Variants in TRANK1 observed in about 807,000 individuals in gnomAD.
TRANK1 encodes the protein tetratricopeptide repeat and ankyrin repeat containing 1.
TRANK1 carries 198 observed loss-of-function variants against 266.0 expected under a neutral mutation model. That is an observed-to-expected ratio of 0.74 (90% CI 0.66 to 0.84). The LOEUF is 0.84. Ranked by LOEUF, TRANK1 falls within the 40% of genes least tolerant of loss-of-function variation. The pLI, the probability that TRANK1 is intolerant of heterozygous loss-of-function variation, is 0.00. For missense variants in TRANK1, 3,326 were observed against 3,634.6 expected, an observed-to-expected ratio of 0.92 and a Z score of 2.18; for synonymous variants, 1,396 against 1,384.1, an observed-to-expected ratio of 1.01 and a Z score of -0.19.
chr3:36,944,328 G>T (rs1333490310), intron 1 of TRANK1, among the ~76,000 whole-genome samples: 1 of 152,134 alleles, frequency 6.6e-6, no homozygotes, highest in Admixed American at 6.5e-5. Context: ...CAAGTTCCCC[G>T]CAAATTCCGC....
Position 36,874,122 on chromosome 3 carries a change from G to A in TRANK1, c.1078+4C>T. On this transcript the variant is annotated splice_donor_region_variant and intron_variant, in intron 9 of 23. Transcript: ENST00000645898. The stretch of plus-strand genomic sequence containing the variant: ...CCCAAAAGTTAATACACTGGAAGCT[G>A]TACCTGATAGGTCCTTAGAACACGT... 3.3e-6 allele frequency: 5 copies of A among 1,535,798 alleles called. No individual in the cohort carries two copies. In the South Asian group the frequency reaches 6.0e-5, roughly 18 times the overall value.
chr3:36,900,609 C>T (rs1341593847), intron 3 of TRANK1, among the ~76,000 whole-genome samples: 1 of 151,934 alleles, frequency 6.6e-6, no homozygotes, highest in South Asian at 2.1e-4. Context: ...GGTGTAGTGA[C>T]TCTAGCCTGT....
At chr3:36,881,836 G>A (rs1046504010) in intron 8 of TRANK1, among the ~76,000 whole-genome samples, 10 of 152,044 alleles carry the variant, frequency 6.6e-5, no homozygotes, top group Non-Finnish European at 1.3e-4. Flanking sequence ...TCATATCAAC[G>A]GAATCACACA....
chr3:36,868,732 A>T (rs1409637185), intron 9 of TRANK1, among the ~76,000 whole-genome samples: 1 of 152,258 alleles, frequency 6.6e-6, no homozygotes, highest in Non-Finnish European at 1.5e-5. Flanking sequence ...TTCTAAGTAT[A>T]TAAAAAGATT....
At chr3:36,927,636 G>A (rs2080306074) in intron 1 of TRANK1, among the ~76,000 whole-genome samples, 1 of 152,176 alleles carries the variant, frequency 6.6e-6, no homozygotes. Context: ...CAACTGTCTT[G>A]GGAAATTCTT....
chr3:36,877,817 T>C (rs868300632), intron 8 of TRANK1, among the ~76,000 whole-genome samples: 2 of 152,218 alleles, frequency 1.3e-5, no homozygotes, highest in South Asian at 4.1e-4. Context: ...GTGTCTGAAT[T>C]TTTTAAAGGA....
chr3:36,831,581 C>T lies in TRANK1; in HGVS notation c.8002G>A (p.Val2668Ile), dbSNP rs1290183229. Reference protein sequence around the residue: ...SIVRGLYYEEVRLNRLLCLDP... With the variant: ...SIVRGLYYEEIRLNRLLCLDP... ...AAACAGAGCAGGCGGTTTAGTCTGA[C>T]CTCCTCATAATAGAGGCCACGGACT... is the stretch of plus-strand genomic sequence containing the variant. The change falls in exon 22 of 24, where the codon GTC (valine) becomes ATC (isoleucine). Residue 2668 changes from valine to isoleucine, a missense_variant. Coordinates refer to ENST00000645898, the MANE Select transcript of TRANK1 (RefSeq NM_001329998.2). The surrounding 1 kb of genome is among the most constrained non-coding windows in gnomAD (Gnocchi z 5.0). 6.2e-6 allele frequency: 10 copies of T among 1,613,688 alleles called. No individual in the cohort carries two copies. The highest frequency in any genetic ancestry group is 8.5e-6 in the Non-Finnish European group (10 of 1,179,736).
chr3:36,875,008 CAAAAA>C (rs112705869), intron 8 of TRANK1, among the ~76,000 whole-genome samples: 4 of 129,514 alleles, frequency 3.1e-5, no homozygotes, highest in African/African-American at 1.1e-4. Context: ...CCCACTTTAC[CAAAAA>C]AAAAAAAAAA....
chr3:36,881,427 T>A (rs372834695), intron 8 of TRANK1, among the ~76,000 whole-genome samples: 1 of 148,788 alleles, frequency 6.7e-6, no homozygotes, highest in East Asian at 2.0e-4. Flanking sequence ...CCAGCCTGGG[T>A]GACAGAGCAA....
intron 18 of TRANK1, among the ~76,000 whole-genome samples, chr3:36,841,535 AC>A (rs2078844519): frequency 6.6e-6 from 1 of 152,158 alleles, no homozygotes; most frequent in Admixed American, 6.5e-5. Context: ...GGCAGAACTT[AC>A]CACCCACAAA....
chr3:36,828,795 CTTCCCTTTGAAATACACATCACAAAA>C (rs2078659681), intron 23 of TRANK1, among the ~76,000 whole-genome samples: 2 of 152,170 alleles, frequency 1.3e-5, no homozygotes, highest in African/African-American at 4.8e-5. Flanking sequence ...TACCAATTCT[CTTCCCTTTGAAATACACATCACAAAA>C]TCCAAGACCC....
chr3:36,886,812 T>G (rs2079612827), intron 8 of TRANK1, among the ~76,000 whole-genome samples: 1 of 152,068 alleles, frequency 6.6e-6, no homozygotes, highest in South Asian at 2.1e-4. Context: ...CTTGGGAGGC[T>G]GAGGTAGATC....
chr3:36,829,533 GT>G (rs1194333335), intron 23 of TRANK1, 30 bp downstream of exon 23: 1 of 1,610,900 alleles, frequency 6.2e-7, no homozygotes, highest in Non-Finnish European at 8.5e-7. Context: ...GACCCAAAGT[GT>G]TACCTGTCCC....
chr3:36,842,698 C>G lies in TRANK1; in HGVS notation c.5204G>C (p.Ser1735Thr). 1.2e-6 allele frequency: 2 copies of G among 1,613,790 alleles called. No individual in the cohort carries two copies. Among genetic ancestry groups the G allele is most frequent in the South Asian group, 2.2e-5 (2 of 90,992 alleles). ...KTDENKDFDD[S>T]MFVKTSTPAE... The stretch of plus-strand genomic sequence containing the variant: ...AGGAGTTGAGGTCTTAACGAACATG[C>G]TATCATCAAAGTCTAAAATGAGAAA... The change falls in exon 18 of 24, where the codon AGC (serine) becomes ACC (threonine). Residue 1735 changes from serine to threonine, a missense_variant. Transcript: ENST00000645898.
intron 1 of TRANK1, among the ~76,000 whole-genome samples, chr3:36,927,324 A>G (rs1164898839): frequency 1.3e-5 from 2 of 152,224 alleles, no homozygotes; most frequent in African/African-American, 2.4e-5. Context: ...AATTGCAGAA[A>G]AGAAGTCAGG....
chr3:36,893,394 A>G (rs551941694), intron 5 of TRANK1, among the ~76,000 whole-genome samples: 39 of 152,298 alleles, frequency 2.6e-4, no homozygotes, highest in African/African-American at 9.4e-4. Flanking sequence ...CAGCGTTTTA[A>G]AAGCCCCAAG....
Position 36,830,858 on chromosome 3 carries a change from T to A in TRANK1, c.8710+15A>T. On this transcript the variant is annotated intron_variant, in intron 22 of 23. Coordinates refer to ENST00000645898, the MANE Select transcript of TRANK1 (RefSeq NM_001329998.2). ...GTCTCACTCTGCCTGGGCCCCCATC[T>A]CTGCAGACCCTTACCGCCAGCCCAG... 1 of 1,568,520 alleles carries A rather than the reference T, an allele frequency of 6.4e-7. No individual in the cohort carries two copies. The highest frequency in any genetic ancestry group is 8.7e-7 in the Non-Finnish European group (1 of 1,154,942).
intron 11 of TRANK1, 57 bp from the exon 12 acceptor site, chr3:36,858,951 C>G: frequency 2.1e-6 from 3 of 1,444,140 alleles, no homozygotes; most frequent in South Asian, 1.4e-5. Flanking sequence ...GCTCGCCTGA[C>G]GAGAGAAGGA....
chr3:36,941,520 A>G (rs545053791), intron 1 of TRANK1, among the ~76,000 whole-genome samples: 1 of 152,352 alleles, frequency 6.6e-6, no homozygotes, highest in African/African-American at 2.4e-5. Flanking sequence ...AAAAACAAAC[A>G]AGGCAATACT....
Sources: gnomAD v4.1 joint callset for allele counts (sites outside exome capture counted in the v4.1 genomes callset) on GRCh38, gnomAD v4.1.1 for gene constraint, Gnocchi (gnomAD v3.1) non-coding constraint, MANE v1.5 for transcripts, NCBI Gene and HGNC (gene_info 2026-07-23, HGNC 2026-07-21) for gene names.